ABCG2: variants seen among roughly 807,000 people sequenced by gnomAD.
ABCG2 encodes ATP binding cassette subfamily G member 2 (JR blood group).
Under a neutral mutation model 73.5 loss-of-function variants are expected in ABCG2, and 80 were observed. The ratio of observed to expected loss-of-function variants is 1.09; its 90% CI spans 0.91 to 1.31. The LOEUF is 1.31. Ranked by LOEUF, ABCG2 falls within the 50% of genes most tolerant of loss-of-function variation. The pLI, the probability that ABCG2 is intolerant of heterozygous loss-of-function variation, is 0.00. For synonymous variants in ABCG2, 269 were observed against 282.4 expected, an observed-to-expected ratio of 0.95 and a Z score of 0.48; for missense variants, 796 against 786.2, an observed-to-expected ratio of 1.01 and a Z score of -0.15.
At chr4:88,130,199 G>C (rs1270234383) in intron 5 of ABCG2, among the ~76,000 whole-genome samples, 1 of 152,092 alleles carries the variant, frequency 6.6e-6, no homozygotes, top group Admixed American at 6.6e-5. Flanking sequence ...AAGCTTCATC[G>C]GTATTTACAG....
intron 5 of ABCG2, among the ~76,000 whole-genome samples, chr4:88,123,632 A>G (rs11935697): frequency 0.054 from 8,290 of 152,144 alleles, 392 homozygotes; most frequent in Admixed American, 0.13. Context: ...AATGAAAAGG[A>G]ACAAACAAAG....
intron 1 of ABCG2, among the ~76,000 whole-genome samples, chr4:88,156,053 T>C (rs1412723989): frequency 6.6e-6 from 1 of 152,022 alleles, no homozygotes; most frequent in Non-Finnish European, 1.5e-5. Context: ...GAGCATTCTC[T>C]GATGCCAGAA....
intron 2 of ABCG2, among the ~76,000 whole-genome samples, chr4:88,133,258 G>A (rs1224242909): frequency 4.6e-5 from 7 of 152,226 alleles, no homozygotes; most frequent in Middle Eastern, 6.8e-3. Flanking sequence ...GTGGAATACC[G>A]GTAGAAGTAT....
At chr4:88,217,729 T>C (rs1226608715) in intron 1 of ABCG2, among the ~76,000 whole-genome samples, 1 of 151,704 alleles carries the variant, frequency 6.6e-6, no homozygotes, top group African/African-American at 2.4e-5. Flanking sequence ...ATCCCAGCAC[T>C]CTGGGAAGGT....
At chr4:88,093,371 G>A (rs928499426) in intron 15 of ABCG2, among the ~76,000 whole-genome samples, 1 of 151,986 alleles carries the variant, frequency 6.6e-6, no homozygotes, top group Non-Finnish European at 1.5e-5. Context: ...AGGTGTGGTG[G>A]TGGGCACCTG....
At chr4:88,163,037 G>A (rs181511040), upstream of ABCG2, among the ~76,000 whole-genome samples, 24 of 152,238 alleles carry the variant, frequency 1.6e-4, 1 homozygote, top group East Asian at 3.9e-3. Flanking sequence ...ATTTTCCCTG[G>A]CAAGGTCAGG....
At chr4:88,093,241 C>T (rs1292885140) in intron 15 of ABCG2, among the ~76,000 whole-genome samples, 1 of 152,164 alleles carries the variant, frequency 6.6e-6, no homozygotes, top group Non-Finnish European at 1.5e-5. Flanking sequence ...TGCAGTGGCT[C>T]ATGCCTGTAA....
chr4:88,175,885 G>A (rs1727943989), intron 1 of ABCG2, among the ~76,000 whole-genome samples: 1 of 152,134 alleles, frequency 6.6e-6, no homozygotes, highest in Admixed American at 6.5e-5. Flanking sequence ...TTTTATTTCT[G>A]AAACAAAAAT....
chr4:88,097,562 A>G lies in ABCG2; in HGVS notation c.1538T>C (p.Leu513Pro). Residue 513 changes from leucine to proline, a missense_variant, in exon 13 of 16, where the codon CTT becomes CCT. Leu to Pro is a moderately conservative substitution (Grantham distance 98, BLOSUM62 -3). Coordinates refer to ENST00000237612, the MANE Select transcript of ABCG2 (RefSeq NM_004827.3). ...ACTGGCTGAATAAGCCACCATCATA[A>G]GGGTAAACATCATAACGAAGAAGGC... ...ADAFFVMMFT[L>P]MMVAYSASSM... The G allele has an allele frequency of 6.2e-7, 1 of 1,614,210 alleles. No individual in the cohort carries two copies. Among genetic ancestry groups the G allele is most frequent in the African/African-American group, 1.3e-5 (1 of 75,074 alleles).
chr4:88,096,038 G>A (rs558980145), intron 13 of ABCG2, among the ~76,000 whole-genome samples: 1 of 152,266 alleles, frequency 6.6e-6, no homozygotes, highest in African/African-American at 2.4e-5. Flanking sequence ...CATGCCCACT[G>A]CACCTCACAT....
At chr4:88,190,944 G>A (rs921147171) in intron 1 of ABCG2, among the ~76,000 whole-genome samples, 1 of 151,704 alleles carries the variant, frequency 6.6e-6, no homozygotes, top group Non-Finnish European at 1.5e-5. Flanking sequence ...GTTTAAAAAG[G>A]GGCAAAAATT....
rs182159263 is a variant in ABCG2 at position 88,105,341 on chromosome 4, C to G, written c.1277+1843G>C. On this transcript the variant is annotated intron_variant, in intron 10 of 15. Coordinates refer to ENST00000237612, the MANE Select transcript of ABCG2 (RefSeq NM_004827.3). ...AAAATGGGGATACTACCATCTACCC[C>G]CTCTAAATCACTGGGTGGTAACCTG... Among the ~76,000 whole-genome samples the G allele has an allele frequency of 2.4e-3, 369 of 152,266 alleles. 2 individuals carry two copies. Among genetic ancestry groups the G allele is most frequent in the Admixed American group, 3.3e-3 (51 of 15,282 alleles).
chr4:88,154,862 T>A (rs967416042), intron 1 of ABCG2, among the ~76,000 whole-genome samples: 2 of 152,042 alleles, frequency 1.3e-5, no homozygotes, highest in African/African-American at 4.8e-5. Flanking sequence ...GAGTTGAGCA[T>A]AGTTTGTGAT....
intron 5 of ABCG2, among the ~76,000 whole-genome samples, chr4:88,125,269 G>A (rs549215264): frequency 2.1e-4 from 32 of 149,096 alleles, no homozygotes; most frequent in African/African-American, 7.7e-4. Context: ...TCAAGCCTGG[G>A]CAACAGAGCG....
intron 1 of ABCG2, among the ~76,000 whole-genome samples, chr4:88,213,388 G>C (rs1203509483): frequency 1.3e-5 from 2 of 151,992 alleles, no homozygotes; most frequent in Non-Finnish European, 2.9e-5. Flanking sequence ...ACTTGACTGA[G>C]AAAACTGAAG....
rs150685122 is a variant in ABCG2, at chr4:88,213,296, C to T, written c.-20+17698G>A. Among the ~76,000 whole-genome samples the T allele has an allele frequency of 6.0e-3, 912 of 152,312 alleles. 14 individuals carry two copies. The highest frequency in any genetic ancestry group is 0.041 in the South Asian group (198 of 4,826). On this transcript the variant is annotated intron_variant, in intron 1 of 15. Coordinates refer to the ABCG2 transcript ENST00000515655. ...ATACTGTACTTCCCTAGCCCATTCA[C>T]TCTTCTGTTTCCTATTTCAACACCG...
chr4:88,110,239 T>G (rs1034544978), intron 9 of ABCG2, among the ~76,000 whole-genome samples: 2 of 151,764 alleles, frequency 1.3e-5, no homozygotes, highest in African/African-American at 2.4e-5. Context: ...AAAGTTACCT[T>G]TTTTTTTAAG....
At chr4:88,139,341 T>C (rs917007606) in intron 2 of ABCG2, among the ~76,000 whole-genome samples, 1 of 152,116 alleles carries the variant, frequency 6.6e-6, no homozygotes, top group Admixed American at 6.6e-5. Context: ...GCAGACTTGA[T>C]ATCCCAGATT....
At chr4:88,094,289 C>A (rs897592691) in intron 15 of ABCG2, among the ~76,000 whole-genome samples, 2 of 152,122 alleles carry the variant, frequency 1.3e-5, no homozygotes, top group Non-Finnish European at 2.9e-5. Context: ...AGAATTCAAA[C>A]CCACAATCAA....
Sources: allele counts gnomAD v4.1 joint callset (sites outside exome capture counted in the v4.1 genomes callset), GRCh38; gene constraint gnomAD v4.1.1; transcripts MANE v1.5; gene names NCBI Gene and HGNC (gene_info 2026-07-23, HGNC 2026-07-21).